The following KAT2B variants were observed in gnomAD, a reference collection of about 807,000 sequenced individuals.
KAT2B encodes the protein lysine acetyltransferase 2B.
In KAT2B, 36 loss-of-function variants were observed where a neutral mutation model predicts 105.9. The observed-to-expected ratio is 0.34, with a 90% CI of 0.26 to 0.45. KAT2B has a LOEUF of 0.45. KAT2B is among the 20% of genes least tolerant of loss of function. KAT2B has a pLI of 1.00. For synonymous variants in KAT2B, 397 were observed against 377.9 expected (o/e 1.05, Z -0.59); for missense variants, 820 against 1,021.6 (o/e 0.80, Z 2.69).
At chr3:20,147,567 G>A (rs1699800524) in intron 14 of KAT2B, among the ~76,000 whole-genome samples, 1 of 152,120 alleles carries the variant, frequency 6.6e-6, no homozygotes, top group Non-Finnish European at 1.5e-5. Flanking sequence ...TACAAGCAGG[G>A]CCTTAGCCAA....
intron 17 of KAT2B, chr3:20,149,011 T>C (rs879735132): frequency 7.9e-5 from 12 of 152,752 alleles, no homozygotes; most frequent in Non-Finnish European, 1.5e-4. Flanking sequence ...TGTCACTGTA[T>C]ATACTCTTTA....
At chr3:20,089,839 A>T (rs1208932971) in intron 2 of KAT2B, among the ~76,000 whole-genome samples, 2 of 151,570 alleles carry the variant, frequency 1.3e-5, no homozygotes, top group African/African-American at 2.4e-5. Context: ...TTGTTTTGAT[A>T]GTTTGTTGTT....
intron 5 of KAT2B, among the ~76,000 whole-genome samples, chr3:20,107,052 A>T (rs2125162340): frequency 2.0e-5 from 1 of 49,156 alleles, no homozygotes; most frequent in African/African-American, 7.8e-5. Context: ...TTTTTTTTTG[A>T]GACGGAGTCT....
At chr3:20,101,198 A>G in intron 4 of KAT2B, 89 bp from the exon 5 acceptor site, 1 of 1,032,556 alleles carries the variant, frequency 9.7e-7, no homozygotes, top group Non-Finnish European at 1.4e-6. Flanking sequence ...TTATTTTGCT[A>G]ATAACCACCA....
In KAT2B at chr3:20,095,191, T is replaced by G. The variant is rs2293142; in HGVS notation, c.431-72T>G. The G allele has an allele frequency of 0.15, 194,846 of 1,262,760 alleles. 20,473 individuals are homozygous for G. The highest frequency in any genetic ancestry group is 0.43 in the East Asian group (18,324 of 42,762). 78.2% of individuals were successfully genotyped at this position (1,262,760 alleles called of 1,614,324 possible). On this transcript the variant is annotated intron_variant, in intron 2 of 17. Transcript: ENST00000263754. ...ATGGTAAGACTGATGAAAGAGGACC[T>G]TCCACTTAAAAATGGGGAATGTTTG... is the stretch of plus-strand genomic sequence containing the variant.
chr3:20,099,172 G>A (rs527562935), intron 3 of KAT2B, among the ~76,000 whole-genome samples: 92 of 152,252 alleles, frequency 6.0e-4, no homozygotes, highest in African/African-American at 2.2e-3. Context: ...AATTCCAGTG[G>A]CAGGAATTAA....
chr3:20,152,204 TAAATA>T (rs1429555217), intron 17 of KAT2B, 123 bp from the exon 18 acceptor site: 8 of 578,758 alleles, frequency 1.4e-5, no homozygotes, highest in Non-Finnish European at 2.4e-5. Flanking sequence ...GAATTTCTCT[TAAATA>T]AAAGCATTGG....
intron 2 of KAT2B, among the ~76,000 whole-genome samples, chr3:20,089,218 T>C (rs76540509): frequency 0.013 from 1,994 of 152,320 alleles, 30 homozygotes; most frequent in East Asian, 0.04. Context: ...TGGAGTCTTA[T>C]GTAGTTCTGT....
chr3:20,047,950 A>G (rs1027874999), intron 1 of KAT2B, among the ~76,000 whole-genome samples: 3 of 152,126 alleles, frequency 2.0e-5, no homozygotes, highest in Non-Finnish European at 2.9e-5. Flanking sequence ...TTTTGTATCA[A>G]ATTGGTTGTT....
chr3:20,110,507 CAA>C (rs1699101100), intron 5 of KAT2B, among the ~76,000 whole-genome samples: 1 of 151,284 alleles, frequency 6.6e-6, no homozygotes, highest in Non-Finnish European at 1.5e-5. Flanking sequence ...CCCGTCTTTA[CAA>C]AAAATAAGAA....
chr3:20,121,730 ATATGTGTGTGTGTGTG>A (rs771355514), intron 8 of KAT2B, among the ~76,000 whole-genome samples: 2,549 of 92,568 alleles, frequency 0.028, 85 homozygotes, highest in African/African-American at 0.089. Flanking sequence ...ACACATATGC[ATATGTGTGTGTGTGTG>A]TGTGTGTGTG....
intron 11 of KAT2B, among the ~76,000 whole-genome samples, chr3:20,136,204 T>C (rs1432074658): frequency 1.3e-5 from 2 of 152,242 alleles, no homozygotes; most frequent in African/African-American, 4.8e-5. Context: ...TTGGATTTAC[T>C]TTTATCTCTC....
intron 12 of KAT2B, among the ~76,000 whole-genome samples, chr3:20,139,239 G>C (rs936049903): frequency 6.6e-6 from 1 of 151,510 alleles, no homozygotes; most frequent in Non-Finnish European, 1.5e-5. Flanking sequence ...TTAAAAATGT[G>C]TTCTTATGTA....
At chr3:20,149,492 T>G (rs986550655) in intron 17 of KAT2B, among the ~76,000 whole-genome samples, 5 of 36,296 alleles carry the variant, frequency 1.4e-4, no homozygotes, top group Non-Finnish European at 1.8e-4. Context: ...GGAGACCGTA[T>G]CTCAAAAAAA....
At position 20,063,534 on chromosome 3, in the gene KAT2B, C is replaced by CTTTTTT. The variant is rs36058009; in HGVS notation, c.304-8774_304-8769dup. Among the ~76,000 whole-genome samples the CTTTTTT allele has an allele frequency of 1.1e-3, 100 of 88,824 alleles. 16 individuals are homozygous for CTTTTTT. The highest frequency in any genetic ancestry group is 2.0e-3 in the Non-Finnish European group (89 of 45,364). 58.3% of individuals were successfully genotyped at this position (88,824 alleles called of 152,430 possible). The stretch of plus-strand genomic sequence containing the variant: ...CTCACAGCAACTTCTGAGTAGGCCT[C>CTTTTTT]TTTTTTTTTTTTTTTTTTTTTTTTT... On this transcript the variant is annotated intron_variant, in intron 1 of 17. Coordinates refer to ENST00000263754, the MANE Select transcript of KAT2B (RefSeq NM_003884.5).
intron 2 of KAT2B, among the ~76,000 whole-genome samples, chr3:20,092,362 G>A (rs1354717766): frequency 6.6e-6 from 1 of 151,608 alleles, no homozygotes; most frequent in African/African-American, 2.4e-5. Context: ...TCAAGTAGCT[G>A]GGATTACAAG....
In KAT2B at chr3:20,099,877, A is replaced by C; in HGVS notation, c.592A>C (p.Ile198Leu). ...TTCTTTGCAGCTCTTGAGAAAGTCTATTTTACAAAGAGGAAAACCTGTGGT... is the reference window on the plus strand; with the variant it reads ...TTCTTTGCAGCTCTTGAGAAAGTCTCTTTTACAAAGAGGAAAACCTGTGGT... ...FYLFKLLRKS[I>L]LQRGKPVVEG... is the part of the protein sequence containing the mutation. Residue 198 changes from isoleucine (I) to leucine (L), a missense_variant, in exon 4 of 18, where the codon ATT (isoleucine) becomes CTT (leucine). Transcript: ENST00000263754. 1 of 1,598,002 alleles carries C rather than the reference A, an allele frequency of 6.3e-7. No homozygotes were observed. The highest frequency in any genetic ancestry group is 1.1e-5 in the South Asian group (1 of 90,502).
chr3:20,059,639 AGC>A, intron 1 of KAT2B, among the ~76,000 whole-genome samples: 1 of 151,844 alleles, frequency 6.6e-6, no homozygotes, highest in South Asian at 2.1e-4. Context: ...TGGGAGGTGG[AGC>A]TTGCGGTGAG....
In KAT2B at chr3:20,133,975, G is replaced by A. The variant is rs569003940; in HGVS notation, c.1750-2967G>A. Among the ~76,000 whole-genome samples the A allele has an allele frequency of 3.4e-4, 51 of 151,990 alleles. No individual in the cohort carries two copies. The South Asian group carries it at 5.6e-3, about 17-fold the overall frequency. ...TCTTTTTTGTATTGATTCTATAGAA[G>A]ATATTTATGTATTTTTGATATTAAA... On this transcript the variant is annotated intron_variant, in intron 11 of 17. Coordinates refer to ENST00000263754, the MANE Select transcript of KAT2B (RefSeq NM_003884.5).
Sources: gnomAD v4.1 joint callset for allele counts (sites outside exome capture counted in the v4.1 genomes callset) on GRCh38, gnomAD v4.1.1 for gene constraint, MANE v1.5 for transcripts, NCBI Gene and HGNC (gene_info 2026-07-23, HGNC 2026-07-21) for gene names.